The following SDCCAG8 variants were observed in gnomAD, a reference collection of about 807,000 sequenced individuals.
SDCCAG8 encodes the protein serologically defined colon cancer antigen 8.
A neutral mutation model predicts 101.8 loss-of-function variants in SDCCAG8; 74 were observed. The observed-to-expected ratio is 0.73, with a 90% confidence interval of 0.60 to 0.88. The LOEUF is 0.88. Ranked by LOEUF, SDCCAG8 falls within the 40% of genes least tolerant of loss-of-function variation. The pLI is 0.00. For synonymous variants in SDCCAG8, 281 were observed against 292.9 expected (o/e 0.96, Z 0.41); for missense variants, 787 against 822.6 (o/e 0.96, Z 0.53).
chr1:243,258,278 T>G (rs1192989863), intron 1 of SDCCAG8, among the ~76,000 whole-genome samples: 1 of 152,214 alleles, frequency 6.6e-6, no homozygotes, highest in African/African-American at 2.4e-5. Context: ...TATCATTTAT[T>G]TAGTAGCACT....
In SDCCAG8 at chr1:243,412,374, T is replaced by C. The variant is rs147253600; in HGVS notation, c.1617-3328T>C. ...TTAATATTAATGATAGCTGATGAGC[T>C]AAAAAGGAAAAAACAAAAAGGCCCG... is the stretch of plus-strand genomic sequence containing the variant. On this transcript the variant is annotated intron_variant, in intron 13 of 17. Coordinates refer to ENST00000366541, the MANE Select transcript of SDCCAG8 (RefSeq NM_006642.5). Among the ~76,000 whole-genome samples the C allele has an allele frequency of 4.6e-4, 70 of 152,210 alleles. No homozygotes were observed. The East Asian group carries it at 0.013, about 29-fold the overall frequency.
At chr1:243,493,625 T>A (rs1307868518) in intron 17 of SDCCAG8, among the ~76,000 whole-genome samples, 2 of 152,062 alleles carry the variant, frequency 1.3e-5, no homozygotes, top group African/African-American at 4.8e-5. Context: ...ACTTACAGTT[T>A]AGAAAACAGA....
rs769004589 is a variant in SDCCAG8, at chr1:243,308,080, C to T, written c.832C>T (p.Arg278Cys). 36 of 1,614,008 alleles carry T rather than the reference C, an allele frequency of 2.2e-5. No homozygotes were observed. In the African/African-American group the frequency reaches 2.9e-4, roughly 13 times the overall value. Reference sequence around the variant, plus strand: ...TCTTCTGGCTGCTAATACTTGTAACCGTGTTGGTGGTCTTTGTTTGAAATG... The same window carrying T: ...TCTTCTGGCTGCTAATACTTGTAACTGTGTTGGTGGTCTTTGTTTGAAATG... ...EFLLAANTCN[R>C]VGGLCLKCAQ... Residue 278 changes from arginine to cysteine, a missense_variant, in exon 8 of 18, where the codon CGT (arginine) becomes TGT (cysteine). Transcript: ENST00000366541.
At chr1:243,266,545 C>G (rs2067603405) in intron 1 of SDCCAG8, among the ~76,000 whole-genome samples, 1 of 151,930 alleles carries the variant, frequency 6.6e-6, no homozygotes, top group African/African-American at 2.4e-5. Flanking sequence ...GTCTTGAACT[C>G]TTGACCTCAG....
chr1:243,257,316 T>C (rs2066833273), intron 1 of SDCCAG8, among the ~76,000 whole-genome samples: 1 of 152,220 alleles, frequency 6.6e-6, no homozygotes, highest in African/African-American at 2.4e-5. Context: ...ACATTGAGAA[T>C]ACTAAGTTAT....
intron 14 of SDCCAG8, 93 bp downstream of exon 14, chr1:243,415,922 T>C: frequency 6.7e-7 from 1 of 1,493,230 alleles, no homozygotes; most frequent in Non-Finnish European, 9.1e-7. Context: ...CCTGTAACCT[T>C]TGGCTGGCCG....
intron 13 of SDCCAG8, among the ~76,000 whole-genome samples, chr1:243,383,934 A>G (rs1287044465): frequency 3.9e-5 from 6 of 151,946 alleles, no homozygotes; most frequent in Non-Finnish European, 8.8e-5. Flanking sequence ...GACCTTCTCT[A>G]GCTCTATTAT....
rs138449445 is a variant in SDCCAG8 at position 243,307,992 on chromosome 1, C to T, written c.744C>T (p.Asn248=). ...AATTTTTTCACCCTCTTTTTAGGAA[C>T]GACTTAGCTGAATATCAGAGAACTT... ...IEESQLKFLR[N]DLAEYQRTCE... is the part of the protein sequence containing the mutation. Residue 248 remains asparagine, a synonymous_variant, in exon 8 of 18, where the codon AAC becomes AAT. Transcript: ENST00000366541. The T allele has an allele frequency of 1.4e-4, 220 of 1,613,640 alleles. No homozygotes were observed. Among genetic ancestry groups the T allele is most frequent in the African/African-American group, 8.3e-4 (62 of 75,034 alleles).
intron 16 of SDCCAG8, among the ~76,000 whole-genome samples, chr1:243,445,444 T>G (rs1171693127): frequency 6.6e-6 from 1 of 152,204 alleles, no homozygotes; most frequent in Non-Finnish European, 1.5e-5. Flanking sequence ...CTAGTACTAA[T>G]GATGAAAAGG....
intron 8 of SDCCAG8, among the ~76,000 whole-genome samples, chr1:243,309,904 G>A (rs370845166): frequency 6.6e-6 from 1 of 151,886 alleles, no homozygotes; most frequent in Admixed American, 6.6e-5. Context: ...TCTCTCTGTT[G>A]CCAGGCTGGA....
chr1:243,463,064 C>T (rs1171183967), intron 16 of SDCCAG8, among the ~76,000 whole-genome samples: 1 of 152,218 alleles, frequency 6.6e-6, no homozygotes, highest in Non-Finnish European at 1.5e-5. Flanking sequence ...TTTCAAAACA[C>T]AGTCAAGTCC....
At chr1:243,303,598 A>C (rs1310716899) in intron 6 of SDCCAG8, among the ~76,000 whole-genome samples, 1 of 152,108 alleles carries the variant, frequency 6.6e-6, no homozygotes, top group Non-Finnish European at 1.5e-5. Context: ...ATGAGTAGAA[A>C]ATACTATTTT....
intron 16 of SDCCAG8, among the ~76,000 whole-genome samples, chr1:243,460,578 CA>C (rs1244555794): frequency 6.6e-6 from 1 of 152,178 alleles, no homozygotes; most frequent in South Asian, 2.1e-4. Flanking sequence ...TTCAGAGGAC[CA>C]AAAGCCCAAT....
chr1:243,412,298 G>C (rs1341218923), intron 13 of SDCCAG8, among the ~76,000 whole-genome samples: 2 of 152,052 alleles, frequency 1.3e-5, no homozygotes, highest in Non-Finnish European at 2.9e-5. Context: ...TGATCTTTTG[G>C]CTTCCCTGGG....
chr1:243,382,154 A>G (rs554693938), intron 13 of SDCCAG8, among the ~76,000 whole-genome samples: 17 of 152,346 alleles, frequency 1.1e-4, no homozygotes, highest in African/African-American at 4.1e-4. Flanking sequence ...GGACCAGCAG[A>G]AGAGCCTTAT....
chr1:243,327,651 G>T (rs2074284323), intron 9 of SDCCAG8, among the ~76,000 whole-genome samples: 1 of 151,972 alleles, frequency 6.6e-6, no homozygotes, highest in African/African-American at 2.4e-5. Context: ...AATCGACAGG[G>T]ATTCTGAAAC....
At chr1:243,256,289 A>G in intron 1 of SDCCAG8, 49 bp downstream of exon 1, 4 of 1,510,914 alleles carry the variant, frequency 2.6e-6, no homozygotes, top group South Asian at 1.1e-5. Flanking sequence ...CCCAGGGCCT[A>G]GTGGGCGGGA....
chr1:243,444,220 G>A (rs914235208), intron 16 of SDCCAG8, among the ~76,000 whole-genome samples: 9 of 152,130 alleles, frequency 5.9e-5, no homozygotes. Flanking sequence ...ATGTGAGGTA[G>A]TGAGCTCCAG....
At chr1:243,316,249 GA>G (rs1344832787) in intron 8 of SDCCAG8, among the ~76,000 whole-genome samples, 1 of 152,192 alleles carries the variant, frequency 6.6e-6, no homozygotes, top group African/African-American at 2.4e-5. Flanking sequence ...ATAAGTAACT[GA>G]AAGAATGTAA....
Sources: gnomAD v4.1 joint callset for allele counts (sites outside exome capture counted in the v4.1 genomes callset) on GRCh38, gnomAD v4.1.1 for gene constraint, MANE v1.5 for transcripts, NCBI Gene and HGNC (gene_info 2026-07-23, HGNC 2026-07-21) for gene names.